RNF6: variants seen among roughly 807,000 people sequenced by gnomAD.
The protein encoded by RNF6 is ring finger protein 6.
A neutral mutation model predicts 50.1 loss-of-function variants in RNF6; 21 were observed. The observed-to-expected ratio is 0.42, with a 90% CI of 0.30 to 0.60. The LOEUF (loss-of-function observed/expected upper bound fraction) is 0.60, where lower values mean the gene tolerates loss of function less well. Ranked by LOEUF, RNF6 falls within the 20% of genes least tolerant of loss-of-function variation. The pLI is 0.20. For synonymous variants in RNF6, 255 were observed against 291.8 expected (o/e 0.87, Z 1.29); for missense variants, 698 against 838.2 (o/e 0.83, Z 2.07).
At chr13:26,193,073 C>T (rs1055487497) in intron 5 of RNF6, among the ~76,000 whole-genome samples, 2 of 152,030 alleles carry the variant, frequency 1.3e-5, no homozygotes, top group African/African-American at 4.8e-5. Flanking sequence ...TGAGCTGTGG[C>T]GAGATCAAGA....
At position 26,214,899 on chromosome 13, in the gene RNF6, CT is replaced by C; in HGVS notation, c.982del (p.Arg328GlyfsTer24). ...QSGTVYHNSQ[R>X]ESRPVQQTTR... ...GGTTTGCTGTACTGGTCTACTTTCC[CT>C]TTGGGAATTATGATAAACAGTGCCA... On this transcript the variant is annotated frameshift_variant, in exon 5 of 5. Coordinates refer to ENST00000381588, the MANE Select transcript of RNF6 (RefSeq NM_005977.4). LOFTEE classifies it high-confidence loss of function. The C allele has an allele frequency of 6.2e-7, 1 of 1,614,212 alleles. No homozygotes were observed. Among genetic ancestry groups the C allele is most frequent in the Non-Finnish European group, 8.5e-7 (1 of 1,180,042 alleles).
chr13:26,185,157 C>A (rs568521345), intron 5 of RNF6, among the ~76,000 whole-genome samples: 45 of 152,038 alleles, frequency 3.0e-4, no homozygotes, highest in African/African-American at 1.0e-3. Flanking sequence ...CCACCATGCC[C>A]GGCTAATTTT....
chr13:26,195,973 T>C (rs1868643001), intron 5 of RNF6, among the ~76,000 whole-genome samples: 1 of 152,114 alleles, frequency 6.6e-6, no homozygotes, highest in Admixed American at 6.5e-5. Context: ...TCAAACAGAC[T>C]GACATACATA....
chr13:26,213,795 A>C lies in RNF6; in HGVS notation c.*29T>G. ...ATGCTTGAACATTCAGTTCTACTAA[A>C]AAACAGTATTTGAGTAGATCCCATC... On this transcript the variant is annotated 3_prime_UTR_variant, in exon 5 of 5. Transcript: ENST00000381588. 7 of 1,531,184 alleles carry C rather than the reference A, an allele frequency of 4.6e-6. No homozygotes were observed. Among genetic ancestry groups the C allele is most frequent in the Non-Finnish European group, 6.2e-6 (7 of 1,134,038 alleles). 94.8% of individuals were successfully genotyped at this position (1,531,184 alleles called of 1,614,324 possible).
At chr13:26,143,966 T>C (rs1566405804) in intron 5 of RNF6, among the ~76,000 whole-genome samples, 1 of 152,222 alleles carries the variant, frequency 6.6e-6, no homozygotes, top group East Asian at 1.9e-4. Context: ...GGCAAAGCCA[T>C]GTCCAGAATG....
chr13:26,204,511 A>AAG (rs1313938685), intron 5 of RNF6, among the ~76,000 whole-genome samples: 99 of 151,268 alleles, frequency 6.5e-4, no homozygotes, highest in African/African-American at 2.4e-3. Flanking sequence ...AAAAAAAAAA[A>AAG]AAAAGAAAGA....
intron 5 of RNF6, among the ~76,000 whole-genome samples, chr13:26,205,883 A>G (rs1378589091): frequency 6.6e-6 from 1 of 152,148 alleles, no homozygotes; most frequent in Non-Finnish European, 1.5e-5. Flanking sequence ...GTGGTGGCAC[A>G]TGCCTGTAAT....
chr13:26,176,786 T>C (rs897283370), intron 5 of RNF6, among the ~76,000 whole-genome samples: 4 of 152,012 alleles, frequency 2.6e-5, no homozygotes, highest in Admixed American at 2.6e-4. Context: ...ATACAAAAAT[T>C]AGCCAAGTGT....
In RNF6 at chr13:26,214,444, G is replaced by A. The variant is rs1309123890; in HGVS notation, c.1438C>T (p.Leu480Phe). The change falls in exon 5 of 5, where the codon CTT becomes TTT. Residue 480 changes from leucine (L) to phenylalanine (F), a missense_variant. By Grantham distance (22) the Leu-to-Phe change is conservative. Coordinates refer to ENST00000381588, the MANE Select transcript of RNF6 (RefSeq NM_005977.4). ...ATGATCTGCCTTAAAATTGACCGAAGAGCCACTGATGATGGCTCAACAAGC... is the reference window on the plus strand; with the variant it reads ...ATGATCTGCCTTAAAATTGACCGAAAAGCCACTGATGATGGCTCAACAAGC... ...NELVEPSSVA[L>F]RSILRQIMTG... 7 of 1,614,128 alleles carry A rather than the reference G, an allele frequency of 4.3e-6. No homozygotes were observed. The highest frequency in any genetic ancestry group is 5.9e-6 in the Non-Finnish European group (7 of 1,180,038).
In RNF6 at chr13:26,215,477, T is replaced by C. The variant is rs1475580896; in HGVS notation, c.405A>G (p.Arg135=). 2 of 1,614,054 alleles carry C rather than the reference T, an allele frequency of 1.2e-6. No individual in the cohort carries two copies. The highest frequency in any genetic ancestry group is 2.2e-5 in the East Asian group (1 of 44,902). The change falls in exon 5 of 5, where the codon AGA becomes AGG. Residue 135 remains arginine (R), a synonymous_variant. Coordinates refer to ENST00000381588, the MANE Select transcript of RNF6 (RefSeq NM_005977.4). ...TGTTCGGGTTTGTTCGACTCACAGC[T>C]CTCCAAGTTTGGTTCCCATTTTGTC... ...RSGQNGNQTW[R]AVSRTNPNNG...
chr13:26,168,268 A>G (rs1263833047), intron 5 of RNF6, among the ~76,000 whole-genome samples: 1 of 152,212 alleles, frequency 6.6e-6, no homozygotes, highest in Non-Finnish European at 1.5e-5. Flanking sequence ...AGAGTTCTCT[A>G]TCTCAGTGGA....
intron 5 of RNF6, among the ~76,000 whole-genome samples, chr13:26,147,862 A>C (rs1403264483): frequency 6.6e-6 from 1 of 152,188 alleles, no homozygotes; most frequent in African/African-American, 2.4e-5. Context: ...CAAATCCCTG[A>C]GTTATTTCCC....
At chr13:26,154,559 C>T (rs545622135) in intron 5 of RNF6, among the ~76,000 whole-genome samples, 7 of 152,216 alleles carry the variant, frequency 4.6e-5, no homozygotes, top group African/African-American at 1.7e-4. Flanking sequence ...TGAGTAGCTG[C>T]CACATACTGG....
chr13:26,219,421 G>C (rs1287456136), intron 3 of RNF6, 36 bp downstream of exon 3: 2 of 1,477,690 alleles, frequency 1.4e-6, no homozygotes, highest in Admixed American at 3.8e-5. Context: ...TCTAAATGAT[G>C]AAAAAAGGGT....
chr13:26,153,898 A>G (rs1871767257), intron 5 of RNF6, among the ~76,000 whole-genome samples: 1 of 152,202 alleles, frequency 6.6e-6, no homozygotes, highest in East Asian at 1.9e-4. Context: ...ATGGAATTTC[A>G]GTGTCTCACT....
chr13:26,158,724 G>T (rs1479331294), intron 5 of RNF6, among the ~76,000 whole-genome samples: 3 of 151,370 alleles, frequency 2.0e-5, no homozygotes, highest in Non-Finnish European at 3.0e-5. Context: ...TCTGTGTGTG[G>T]GTGTGTGTGT....
intron 5 of RNF6, among the ~76,000 whole-genome samples, chr13:26,205,185 G>C (rs907778637): frequency 7.2e-5 from 11 of 151,898 alleles, no homozygotes; most frequent in Admixed American, 5.2e-4. Context: ...CCAACAATTA[G>C]ACATCTTCTG....
intron 4 of RNF6, among the ~76,000 whole-genome samples, chr13:26,217,989 C>T (rs769940947): frequency 6.6e-6 from 1 of 152,188 alleles, no homozygotes; most frequent in African/African-American, 2.4e-5. Flanking sequence ...ATAAATACCT[C>T]TGAGGAGGGA....
At chr13:26,137,801 G>A (rs1047232314) in intron 5 of RNF6, among the ~76,000 whole-genome samples, 4 of 151,988 alleles carry the variant, frequency 2.6e-5, no homozygotes, top group African/African-American at 9.7e-5. Flanking sequence ...ATGACCCAGT[G>A]TGTGAAACAG....
Sources: allele counts gnomAD v4.1 joint callset (sites outside exome capture counted in the v4.1 genomes callset), GRCh38; gene constraint gnomAD v4.1.1; transcripts MANE v1.5; gene names NCBI Gene and HGNC (gene_info 2026-07-23, HGNC 2026-07-21).